RPS6KA5: variants seen among roughly 807,000 people sequenced by gnomAD.
RPS6KA5 encodes the protein ribosomal protein S6 kinase alpha-5.
A neutral mutation model predicts 85.5 loss-of-function variants in RPS6KA5; 27 were observed. The observed-to-expected ratio is 0.32, with a 90% CI of 0.23 to 0.44. The LOEUF is 0.44. Ranked by LOEUF, RPS6KA5 falls within the 20% of genes least tolerant of loss-of-function variation. RPS6KA5 has a pLI of 1.00. For synonymous variants in RPS6KA5, 334 were observed against 348.2 expected (o/e 0.96, Z 0.46); for missense variants, 811 against 980.9 (o/e 0.83, Z 2.31).
At chr14:90,914,401 G>A (rs566264598) in intron 7 of RPS6KA5, among the ~76,000 whole-genome samples, 3 of 126,216 alleles carry the variant, frequency 2.4e-5, no homozygotes, top group African/African-American at 6.0e-5. Context: ...TGCAACCTCC[G>A]CCCCCAGGGT....
rs546391799 is a variant in RPS6KA5, at chr14:91,031,461, G to A, written c.103+28871C>T. On this transcript the variant is annotated intron_variant, in intron 1 of 16. Transcript: ENST00000614987. ...CATAATTCCCAGGATGATAGTGAAGGAAAATCCCATTATGACAGTTACACA... is the reference window on the plus strand; with the variant it reads ...CATAATTCCCAGGATGATAGTGAAGAAAAATCCCATTATGACAGTTACACA... 6.3e-4 allele frequency among the ~76,000 whole-genome samples: 96 copies of A among 152,196 alleles called. 1 individual carries two copies. The South Asian group carries it at 0.019, about 30-fold the overall frequency.
At position 90,864,187 on chromosome 14, in the gene RPS6KA5, T is replaced by C. The variant is rs2032701332; in HGVS notation, c.*7887A>G. Reference sequence around the variant, plus strand: ...CAGAGTCTCGCTCTGTTGCCTAGGCTAGAGTGTAGTGGCATGACCTTGGCT... The same window carrying C: ...CAGAGTCTCGCTCTGTTGCCTAGGCCAGAGTGTAGTGGCATGACCTTGGCT... On this transcript the variant is annotated 3_prime_UTR_variant, in exon 17 of 17. Coordinates refer to ENST00000614987, the MANE Select transcript of RPS6KA5 (RefSeq NM_004755.4). The C allele has an allele frequency of 6.6e-6, 1 of 152,360 alleles. No individual in the cohort carries two copies. Among genetic ancestry groups the C allele is most frequent in the Admixed American group, 6.5e-5 (1 of 15,282 alleles). The allele number at this position is 152,360 out of a possible 1,614,324, so 9.4% of individuals were successfully genotyped here.
intron 14 of RPS6KA5, among the ~76,000 whole-genome samples, chr14:90,883,648 G>T (rs547579356): frequency 6.6e-5 from 10 of 151,998 alleles, no homozygotes; most frequent in Non-Finnish European, 1.3e-4. Context: ...AGTTTCTGTT[G>T]ATTTATTTTT....
intron 8 of RPS6KA5, 81 bp downstream of exon 8, chr14:90,906,068 G>T: frequency 7.6e-7 from 1 of 1,322,792 alleles, no homozygotes; most frequent in Non-Finnish European, 1.0e-6. Flanking sequence ...AGGGGACTGT[G>T]TTCACTAATT....
chr14:90,875,209 A>G lies in RPS6KA5; in HGVS notation c.1988T>C (p.Leu663Ser). ...TTTCATTAGATTCTTACCTTGGATC[A>G]AATCTTTAGCCTCTTGGGATACATT... is the stretch of plus-strand genomic sequence containing the variant. ...WKNVSQEAKD[L>S]IQGLLTVDPN... The change falls in exon 15 of 17, where the codon TTG becomes TCG. Residue 663 changes from leucine to serine, a missense_variant. Coordinates refer to ENST00000614987, the MANE Select transcript of RPS6KA5 (RefSeq NM_004755.4). 1 of 1,612,044 alleles carries G rather than the reference A, an allele frequency of 6.2e-7. No homozygotes were observed. The highest frequency in any genetic ancestry group is 8.5e-7 in the Non-Finnish European group (1 of 1,179,192).
At chr14:90,908,649 C>T (rs2035640468) in intron 7 of RPS6KA5, among the ~76,000 whole-genome samples, 1 of 152,136 alleles carries the variant, frequency 6.6e-6, no homozygotes, top group Non-Finnish European at 1.5e-5. Flanking sequence ...GAGAAAGGGC[C>T]TATAGCAGGT....
chr14:91,002,710 A>C (rs2040840969), intron 1 of RPS6KA5, among the ~76,000 whole-genome samples: 1 of 152,194 alleles, frequency 6.6e-6, no homozygotes, highest in South Asian at 2.1e-4. Flanking sequence ...TTAAGTATAC[A>C]GTATTGTTAA....
chr14:90,999,150 G>T (rs1471765664), intron 2 of RPS6KA5, among the ~76,000 whole-genome samples: 1 of 152,158 alleles, frequency 6.6e-6, no homozygotes, highest in Admixed American at 6.5e-5. Flanking sequence ...AGAAGTTGCA[G>T]TGAGCCAAGA....
chr14:91,036,655 C>T (rs1255277474), intron 1 of RPS6KA5, among the ~76,000 whole-genome samples: 1 of 152,184 alleles, frequency 6.6e-6, no homozygotes, highest in African/African-American at 2.4e-5. Context: ...AAAAAGCTAC[C>T]TTTATCGAGG....
chr14:91,035,407 G>T (rs527889772), intron 1 of RPS6KA5, among the ~76,000 whole-genome samples: 1 of 152,064 alleles, frequency 6.6e-6, no homozygotes, highest in Non-Finnish European at 1.5e-5. Context: ...CATGGACTTA[G>T]ACAAAGCAAG....
rs149819323 is a variant in RPS6KA5, at chr14:90,941,364, G to A, written c.618+1714C>T. On this transcript the variant is annotated intron_variant, in intron 5 of 16. Coordinates refer to ENST00000614987, the MANE Select transcript of RPS6KA5 (RefSeq NM_004755.4). ...CAACATCTATGGAGATTTTGTTCTTGGCTTCTCAGAGAAAACTCCTCCAGA... is the reference window on the plus strand; with the variant it reads ...CAACATCTATGGAGATTTTGTTCTTAGCTTCTCAGAGAAAACTCCTCCAGA... Among the ~76,000 whole-genome samples the A allele has an allele frequency of 5.3e-5, 8 of 152,186 alleles. No individual in the cohort carries two copies. In the East Asian group the frequency reaches 1.6e-3, roughly 30 times the overall value.
intron 2 of RPS6KA5, among the ~76,000 whole-genome samples, chr14:90,989,388 A>C (rs1443088593): frequency 1.3e-5 from 2 of 152,212 alleles, no homozygotes; most frequent in South Asian, 4.1e-4. Flanking sequence ...GAGTGAATCA[A>C]CTTGGCTGCA....
rs2031812073 is a variant in RPS6KA5 at position 90,848,185 on chromosome 14, A to C, written c.*23889T>G. The C allele has an allele frequency of 6.6e-6, 1 of 152,250 alleles. No homozygotes were observed. Among genetic ancestry groups the C allele is most frequent in the African/African-American group, 2.4e-5 (1 of 41,468 alleles). The allele number at this position is 152,250 out of a possible 1,614,324, so 9.4% of individuals were successfully genotyped here. ...AGACAAGTAGCTATAGAATTCTGAA[A>C]ATTCTCAATAAATAGTTACTAGTAT... On this transcript the variant is annotated 3_prime_UTR_variant, in exon 17 of 17. Transcript: ENST00000614987.
intron 9 of RPS6KA5, among the ~76,000 whole-genome samples, 169 bp from the exon 10 acceptor site, chr14:90,900,905 T>G (rs1188656464): frequency 1.3e-5 from 2 of 152,206 alleles, no homozygotes; most frequent in Non-Finnish European, 2.9e-5. Flanking sequence ...TTCAAATCAT[T>G]TGAAAAATGC....
At chr14:90,964,673 G>A (rs890675601) in intron 3 of RPS6KA5, among the ~76,000 whole-genome samples, 16 of 152,054 alleles carry the variant, frequency 1.1e-4, no homozygotes, top group Non-Finnish European at 2.1e-4. Context: ...CAGCACTTTG[G>A]GAGACTGAGA....
intron 1 of RPS6KA5, among the ~76,000 whole-genome samples, chr14:91,029,272 T>A (rs541751302): frequency 6.6e-6 from 1 of 152,306 alleles, no homozygotes; most frequent in African/African-American, 2.4e-5. Context: ...TAAAACTTTT[T>A]AAAAATGTGA....
At chr14:91,056,933 G>GCAATGGCAT (rs1294295695) in intron 1 of RPS6KA5, among the ~76,000 whole-genome samples, 1 of 121,552 alleles carries the variant, frequency 8.2e-6, no homozygotes, top group Non-Finnish European at 1.6e-5. Context: ...AGGCTGGCGT[G>GCAATGGCAT]CAATGGCATG....
At chr14:91,046,527 A>AGT (rs2042880839) in intron 1 of RPS6KA5, among the ~76,000 whole-genome samples, 1 of 152,218 alleles carries the variant, frequency 6.6e-6, no homozygotes, top group Admixed American at 6.5e-5. Flanking sequence ...TTAGATAGAA[A>AGT]GTGTGACACT....
At chr14:91,037,353 C>T (rs1032344442) in intron 1 of RPS6KA5, among the ~76,000 whole-genome samples, 2 of 152,200 alleles carry the variant, frequency 1.3e-5, no homozygotes, top group Non-Finnish European at 2.9e-5. Context: ...ACCCTGAATG[C>T]CACTGTGGCC....
Sources: gnomAD v4.1 joint callset for allele counts (sites outside exome capture counted in the v4.1 genomes callset) on GRCh38, gnomAD v4.1.1 for gene constraint, MANE v1.5 for transcripts, NCBI Gene and HGNC (gene_info 2026-07-23, HGNC 2026-07-21) for gene names.